The following TRHDE variants were observed in gnomAD, a reference collection of about 807,000 sequenced individuals.
TRHDE encodes thyrotropin-releasing hormone-degrading ectoenzyme.
In TRHDE, 72 loss-of-function variants were observed where a neutral mutation model predicts 125.7. The observed-to-expected ratio is 0.57, with a 90% CI of 0.47 to 0.70. TRHDE has a LOEUF of 0.70. TRHDE is among the 30% of genes least tolerant of loss of function. The pLI, the probability that TRHDE is intolerant of heterozygous loss-of-function variation, is 0.00. For synonymous variants in TRHDE, 509 were observed against 509.1 expected (o/e 1.00, Z 0.00); for missense variants, 1,110 against 1,327.1 (o/e 0.84, Z 2.54).
intron 3 of TRHDE, among the ~76,000 whole-genome samples, chr12:72,442,998 T>C (rs1394640392): frequency 6.6e-6 from 1 of 151,826 alleles, no homozygotes; most frequent in Non-Finnish European, 1.5e-5. Context: ...GACCATGCTA[T>C]TCTCTTGCAC....
intron 10 of TRHDE, among the ~76,000 whole-genome samples, chr12:72,574,671 TTTA>T (rs1870906364): frequency 6.6e-6 from 1 of 152,110 alleles, no homozygotes; most frequent in Non-Finnish European, 1.5e-5. Flanking sequence ...ATAAGCAGAA[TTTA>T]TTATCTTTGT....
At chr12:72,090,917 C>T (rs1471627278) in intron 1 of TRHDE, among the ~76,000 whole-genome samples, 1 of 151,838 alleles carries the variant, frequency 6.6e-6, no homozygotes, top group Non-Finnish European at 1.5e-5. Flanking sequence ...TGTCCCTAGG[C>T]TGGAGTACAG....
At chr12:72,234,278 T>C (rs1878300981) in intron 2 of TRHDE, among the ~76,000 whole-genome samples, 1 of 152,180 alleles carries the variant, frequency 6.6e-6, no homozygotes, top group Admixed American at 6.5e-5. Context: ...CAGCCTCGTG[T>C]TATTGAAGAT....
chr12:72,610,512 C>G (rs142868331), intron 12 of TRHDE, among the ~76,000 whole-genome samples: 11 of 152,298 alleles, frequency 7.2e-5, no homozygotes, highest in African/African-American at 2.6e-4. Context: ...CATTTCCCAG[C>G]TCAAAAACTT....
chr12:72,453,009 G>A (rs1273702066), intron 3 of TRHDE, among the ~76,000 whole-genome samples: 1 of 152,144 alleles, frequency 6.6e-6, no homozygotes, highest in Non-Finnish European at 1.5e-5. Flanking sequence ...CAGATCATTG[G>A]TACTAAGCAG....
chr12:72,518,789 G>A (rs563191902), intron 6 of TRHDE, among the ~76,000 whole-genome samples: 27 of 152,278 alleles, frequency 1.8e-4, no homozygotes, highest in Admixed American at 5.9e-4. Flanking sequence ...GGTACTGGTC[G>A]TTCCTTTCCA....
intron 3 of TRHDE, among the ~76,000 whole-genome samples, chr12:72,458,432 A>T (rs893690295): frequency 1.3e-5 from 2 of 151,974 alleles, no homozygotes; most frequent in African/African-American, 4.8e-5. Flanking sequence ...GCCCCACCCC[A>T]GTTGCCTTCG....
At chr12:72,441,128 G>GA (rs933338086) in intron 3 of TRHDE, among the ~76,000 whole-genome samples, 372 of 148,772 alleles carry the variant, frequency 2.5e-3, no homozygotes, top group African/African-American at 8.2e-3. Flanking sequence ...AGGGCTTAAT[G>GA]AAAAAAAAAA....
chr12:72,384,194 C>T (rs1486117516), intron 3 of TRHDE, among the ~76,000 whole-genome samples: 3 of 151,924 alleles, frequency 2.0e-5, no homozygotes, highest in Admixed American at 2.0e-4. Flanking sequence ...GTTCAGTTTC[C>T]TTTTACTACT....
At chr12:72,589,839 G>T (rs1019343221) in intron 12 of TRHDE, among the ~76,000 whole-genome samples, 6 of 151,824 alleles carry the variant, frequency 4.0e-5, no homozygotes, top group Non-Finnish European at 8.8e-5. Flanking sequence ...TATTCTCAAA[G>T]AATCGGTTTC....
chr12:72,541,073 C>CCAGT (rs1869123175), intron 6 of TRHDE, among the ~76,000 whole-genome samples: 1 of 151,440 alleles, frequency 6.6e-6, no homozygotes, highest in Non-Finnish European at 1.5e-5. Context: ...GGACAGCAGT[C>CCAGT]CAGTCCCTGG....
chr12:72,221,135 A>G (rs1400722261), intron 2 of TRHDE, among the ~76,000 whole-genome samples: 1 of 152,092 alleles, frequency 6.6e-6, no homozygotes, highest in Non-Finnish European at 1.5e-5. Context: ...TTAGGAAGAT[A>G]TAGAGAGTTT....
At chr12:72,623,717 A>G (rs1045084533) in intron 15 of TRHDE, among the ~76,000 whole-genome samples, 11 of 152,064 alleles carry the variant, frequency 7.2e-5, no homozygotes, top group South Asian at 2.1e-4. Context: ...ATTTAAGTGG[A>G]TAGGGGCAGG....
intron 2 of TRHDE, among the ~76,000 whole-genome samples, chr12:72,362,241 T>G (rs1871130384): frequency 6.7e-6 from 1 of 148,256 alleles, no homozygotes; most frequent in Non-Finnish European, 1.5e-5. Context: ...CCTGACTTTT[T>G]AATGATTGCC....
rs560950913 is a variant in TRHDE, at chr12:72,286,879, C to T, written c.1113C>T (p.Leu371=). 3.1e-6 allele frequency: 5 copies of T among 1,613,806 alleles called. No individual in the cohort carries two copies. The highest frequency in any genetic ancestry group is 1.3e-5 in the African/African-American group (1 of 74,834). ...CGGATCACTTTTCACAGACCCCTCT[C>T]ATGTCCACATATTATTTAGCCTGGG... ...WVTDHFSQTP[L]MSTYYLAWAI... Residue 371 remains leucine (L), a synonymous_variant, in exon 2 of 19, where the codon CTC becomes CTT. Coordinates refer to ENST00000261180, the MANE Select transcript of TRHDE (RefSeq NM_013381.3).
intron 2 of TRHDE, among the ~76,000 whole-genome samples, chr12:72,350,794 A>AG (rs1870547227): frequency 6.6e-6 from 1 of 152,032 alleles, no homozygotes; most frequent in South Asian, 2.1e-4. Context: ...CAGTTAAGGG[A>AG]GGACATGGCA....
At chr12:72,277,780 A>C (rs1230563760) in intron 1 of TRHDE, among the ~76,000 whole-genome samples, 1 of 152,158 alleles carries the variant, frequency 6.6e-6, no homozygotes, top group Non-Finnish European at 1.5e-5. Context: ...GTGCCATTTG[A>C]TTTGATCACC....
At position 72,273,086 on chromosome 12, in the gene TRHDE, G is replaced by C; in HGVS notation, c.443G>C (p.Gly148Ala). 1.3e-6 allele frequency: 2 copies of C among 1,524,998 alleles called. No individual in the cohort carries two copies. Among genetic ancestry groups the C allele is most frequent in the Non-Finnish European group, 1.8e-6 (2 of 1,138,452 alleles). The allele number at this position is 1,524,998 out of a possible 1,614,324, so 94.5% of individuals were successfully genotyped here. The change falls in exon 1 of 19, where the codon GGC becomes GCC. Residue 148 changes from glycine to alanine, a missense_variant. Transcript: ENST00000261180. This position sits in a 1 kb window ranked among gnomAD's most constrained non-coding sequence, Gnocchi z 5.3. The stretch of plus-strand genomic sequence containing the variant: ...TCGGCCCGGCGCAACCACCACGCAG[G>C]CGGGGACTCCTGGCAGCCCGAGGCG... The part of the protein sequence containing the change: ...PGSARRNHHA[G>A]GDSWQPEAGG...
chr12:72,173,135 T>C (rs1374498445), intron 2 of TRHDE, among the ~76,000 whole-genome samples: 1 of 152,230 alleles, frequency 6.6e-6, no homozygotes, highest in Non-Finnish European at 1.5e-5. Flanking sequence ...GTTTCTATAA[T>C]GCCCAAATAA....
Sources: gnomAD v4.1 joint callset for allele counts (sites outside exome capture counted in the v4.1 genomes callset) on GRCh38, gnomAD v4.1.1 for gene constraint, Gnocchi (gnomAD v3.1) non-coding constraint, MANE v1.5 for transcripts, NCBI Gene and HGNC (gene_info 2026-07-23, HGNC 2026-07-21) for gene names.